RIMS2: variants seen among roughly 807,000 people sequenced by gnomAD.
RIMS2 encodes the protein regulating synaptic membrane exocytosis protein 2.
RIMS2 carries 59 observed loss-of-function variants against 174.4 expected under a neutral mutation model. That is an observed-to-expected ratio of 0.34 (90% CI 0.27 to 0.42). RIMS2 has a LOEUF of 0.42. Ranked by LOEUF, RIMS2 falls within the 10% of genes least tolerant of loss-of-function variation. The probability of loss-of-function intolerance (pLI) is 1.00; values close to 1 mark genes in which losing one functional copy is unlikely to be tolerated. For synonymous variants in RIMS2, 606 were observed against 572.5 expected (o/e 1.06, Z -0.84); for missense variants, 1,620 against 1,666.3 (o/e 0.97, Z 0.48).
chr8:103,975,344 C>T lies in RIMS2; in HGVS notation c.2771-6C>T. The T allele has an allele frequency of 6.2e-7, 1 of 1,603,770 alleles. No individual in the cohort carries two copies. The highest frequency in any genetic ancestry group is 8.5e-7 in the Non-Finnish European group (1 of 1,171,276). On this transcript the variant is annotated splice_polypyrimidine_tract_variant and splice_region_variant and intron_variant, in intron 15 of 23. Transcript: ENST00000504942. Reference sequence around the variant, plus strand: ...ACTATAATATTTATTAATTTTCTACCTTTAGATTATCGACATGATGGTCGA... The same window carrying T: ...ACTATAATATTTATTAATTTTCTACTTTTAGATTATCGACATGATGGTCGA...
intron 1 of RIMS2, among the ~76,000 whole-genome samples, chr8:103,580,996 A>AT (rs1440435746): frequency 1.3e-4 from 19 of 151,564 alleles, no homozygotes; most frequent in Non-Finnish European, 2.8e-4. Context: ...CGTCCAGCTA[A>AT]TTTTTTTGTA....
At chr8:103,834,634 C>G (rs2098847410) in intron 3 of RIMS2, among the ~76,000 whole-genome samples, 1 of 151,570 alleles carries the variant, frequency 6.6e-6, no homozygotes, top group Non-Finnish European at 1.5e-5. Flanking sequence ...TTTGCTCGAA[C>G]TCCTTCCTCA....
intron 2 of RIMS2, among the ~76,000 whole-genome samples, 187 bp downstream of exon 5, chr8:103,716,507 A>C (rs1247276126): frequency 1.3e-5 from 2 of 152,040 alleles, no homozygotes; most frequent in Non-Finnish European, 1.5e-5. Context: ...CTTACATTAA[A>C]TTATTTACAC....
intron 3 of RIMS2, among the ~76,000 whole-genome samples, chr8:103,811,458 T>G (rs553797318): frequency 6.6e-4 from 101 of 152,254 alleles, no homozygotes; most frequent in African/African-American, 2.4e-3. Flanking sequence ...AATTAATTTA[T>G]TTTTGAGTCG....
exon 21 of RIMS2, chr8:104,248,813 G>T: frequency 6.7e-7 from 1 of 1,487,016 alleles, no homozygotes; most frequent in Non-Finnish European, 9.4e-7. Flanking sequence ...ACCTGCAATG[G>T]GTAAGAATTT....
At chr8:103,688,763 A>G (rs1356674192) in intron 1 of RIMS2, among the ~76,000 whole-genome samples, 1 of 151,970 alleles carries the variant, frequency 6.6e-6, no homozygotes, top group African/African-American at 2.4e-5. Flanking sequence ...GCCTGATTTC[A>G]TTTAGAGCTA....
chr8:103,691,351 G>A (rs1041251767), intron 1 of RIMS2, among the ~76,000 whole-genome samples: 1 of 152,078 alleles, frequency 6.6e-6, no homozygotes, highest in Non-Finnish European at 1.5e-5. Context: ...TCTAGATCTT[G>A]TAGGTGTGCT....
intron 1 of RIMS2, among the ~76,000 whole-genome samples, chr8:103,502,071 T>A (rs79580171): frequency 0.065 from 9,959 of 152,344 alleles, 404 homozygotes; most frequent in South Asian, 0.087. Context: ...GTGTAACCTT[T>A]TTATGTTTTT....
Position 103,676,347 on chromosome 8 carries a change from G to A in RIMS2, c.177-20739G>A, listed in dbSNP as rs181195475. ...TCTTAGCTAAAATTACTGAGCTCAG[G>A]GTAGAGCCCCTTAAGGAATAGGGCA... On this transcript the variant is annotated intron_variant, in intron 1 of 23. Coordinates refer to ENST00000504942, the Ensembl canonical transcript of RIMS2. Among the ~76,000 whole-genome samples, 662 of 152,224 alleles carry A rather than the reference G, an allele frequency of 4.3e-3. 3 individuals are homozygous for A. The highest frequency in any genetic ancestry group is 0.019 in the South Asian group (93 of 4,818).
chr8:103,516,055 G>A (rs545942216), intron 1 of RIMS2, among the ~76,000 whole-genome samples: 77 of 151,372 alleles, frequency 5.1e-4, no homozygotes, highest in African/African-American at 1.8e-3. Context: ...TTTTCTTTTT[G>A]GTTCATCGAT....
chr8:104,088,446 C>G (rs1362015970), intron 19 of RIMS2, among the ~76,000 whole-genome samples: 2 of 151,986 alleles, frequency 1.3e-5, no homozygotes, highest in Middle Eastern at 3.2e-3. Context: ...CCTTAGTTTT[C>G]TTTCCCCGCT....
At chr8:103,661,330 C>T (rs2136091946) in intron 1 of RIMS2, among the ~76,000 whole-genome samples, 1 of 152,210 alleles carries the variant, frequency 6.6e-6, no homozygotes, top group South Asian at 2.1e-4. Flanking sequence ...AATAGTGCTG[C>T]TGTATACATT....
chr8:103,854,339 G>T (rs763419097), intron 3 of RIMS2, among the ~76,000 whole-genome samples: 1 of 151,912 alleles, frequency 6.6e-6, no homozygotes, highest in Admixed American at 6.6e-5. Flanking sequence ...TTCCTATTTG[G>T]ATATCTTTTA....
intron 1 of RIMS2, among the ~76,000 whole-genome samples, chr8:103,583,830 T>G (rs1229507809): frequency 6.6e-6 from 1 of 151,952 alleles, no homozygotes; most frequent in Admixed American, 6.6e-5. Flanking sequence ...AAAGAGGAGG[T>G]AGGTAGATAG....
intron 19 of RIMS2, among the ~76,000 whole-genome samples, chr8:104,122,826 ACT>A (rs2098394240): frequency 1.3e-5 from 2 of 152,056 alleles, no homozygotes; most frequent in South Asian, 4.1e-4. Flanking sequence ...TAAACTATTA[ACT>A]CTTCAAATGT....
chr8:103,694,966 A>T (rs1268795619), intron 1 of RIMS2, among the ~76,000 whole-genome samples: 1 of 152,050 alleles, frequency 6.6e-6, no homozygotes, highest in Non-Finnish European at 1.5e-5. Context: ...TGTGCATACA[A>T]CCCTGATGTC....
intron 19 of RIMS2, among the ~76,000 whole-genome samples, chr8:104,131,628 G>T (rs1020569680): frequency 1.3e-5 from 2 of 152,120 alleles, no homozygotes; most frequent in Non-Finnish European, 2.9e-5. Context: ...CAATCATGCA[G>T]TTATTGCTCT....
rs192661466 is a variant in RIMS2 at position 104,040,963 on chromosome 8, G to C, written c.3334+26348G>C. On this transcript the variant is annotated intron_variant, in intron 19 of 23. Transcript: ENST00000504942. ...TTGTAACAGACTTTAAATTGACTCA[G>C]TAATGTCTTGAACAATGTGGTCATG... Among the ~76,000 whole-genome samples the C allele has an allele frequency of 7.8e-4, 119 of 151,798 alleles. 1 individual carries two copies. The highest frequency in any genetic ancestry group is 1.4e-3 in the Non-Finnish European group (97 of 67,640).
chr8:103,922,833 A>G, intron 10 of RIMS2: 1 of 193,264 alleles, frequency 5.2e-6, no homozygotes, highest in Non-Finnish European at 1.1e-5. Context: ...GCAAAAAGGA[A>G]AAAAGTTCAT....
Sources: allele counts gnomAD v4.1 joint callset (sites outside exome capture counted in the v4.1 genomes callset), GRCh38; gene constraint gnomAD v4.1.1; transcripts MANE v1.5; gene names NCBI Gene and HGNC (gene_info 2026-07-23, HGNC 2026-07-21).